Variants in BNC2 observed in about 807,000 individuals in gnomAD.
The protein encoded by BNC2 is basonuclin zinc finger protein 2.
BNC2 carries 20 observed loss-of-function variants against 76.3 expected under a neutral mutation model. The observed-to-expected ratio is 0.26, with a 90% confidence interval of 0.18 to 0.38. The LOEUF (loss-of-function observed/expected upper bound fraction) is 0.38, where lower values mean the gene tolerates loss of function less well. BNC2 is among the 10% of genes least tolerant of loss of function. BNC2 has a pLI of 1.00. For missense variants in BNC2, 1,382 were observed against 1,399.8 expected, an observed-to-expected ratio of 0.99 and a Z score of 0.20; for synonymous variants, 582 against 514.8, an observed-to-expected ratio of 1.13 and a Z score of -1.77.
At chr9:16,812,547 G>C (rs1290128656) in intron 1 of BNC2, among the ~76,000 whole-genome samples, 1 of 152,178 alleles carries the variant, frequency 6.6e-6, no homozygotes, top group African/African-American at 2.4e-5. Flanking sequence ...AGATGCAATT[G>C]AGGCTTTTGT....
chr9:16,526,771 A>C (rs1447617808), intron 5 of BNC2, among the ~76,000 whole-genome samples: 2 of 152,192 alleles, frequency 1.3e-5, no homozygotes, highest in Non-Finnish European at 2.9e-5. Context: ...CTCTTCACAT[A>C]AATTTATTGA....
intron 4 of BNC2, among the ~76,000 whole-genome samples, chr9:16,561,881 G>A (rs1819027418): frequency 6.6e-6 from 1 of 152,070 alleles, no homozygotes; most frequent in Non-Finnish European, 1.5e-5. Flanking sequence ...GCACGTGCCT[G>A]TAGTCCCAGC....
chr9:16,548,668 G>C (rs1195522464), intron 5 of BNC2, among the ~76,000 whole-genome samples: 1 of 152,192 alleles, frequency 6.6e-6, no homozygotes, highest in East Asian at 1.9e-4. Flanking sequence ...GCCTCCGAAA[G>C]TGCTGGGATT....
rs530293506 is a variant in BNC2 at position 16,845,699 on chromosome 9, C to T, written c.3+24947G>A. Among the ~76,000 whole-genome samples the T allele has an allele frequency of 8.6e-5, 13 of 151,388 alleles. No homozygotes were observed. In the South Asian group the frequency reaches 2.5e-3, roughly 29 times the overall value. On this transcript the variant is annotated intron_variant, in intron 1 of 6. Coordinates refer to ENST00000380672, the MANE Select transcript of BNC2 (RefSeq NM_017637.6). ...TCGCACCTCTGCACTCCAGCCTGGGCGACAAAGCAAGACTCCGTCTCAAAA... is the reference window on the plus strand; with the variant it reads ...TCGCACCTCTGCACTCCAGCCTGGGTGACAAAGCAAGACTCCGTCTCAAAA...
At chr9:16,561,662 G>A (rs1396809719) in intron 4 of BNC2, among the ~76,000 whole-genome samples, 1 of 152,108 alleles carries the variant, frequency 6.6e-6, no homozygotes, top group Non-Finnish European at 1.5e-5. Flanking sequence ...CTAGCCCAGG[G>A]TGTAAAACTC....
chr9:16,740,820 G>C (rs545152663), intron 1 of BNC2, among the ~76,000 whole-genome samples: 17 of 152,026 alleles, frequency 1.1e-4, no homozygotes, highest in South Asian at 6.2e-4. Flanking sequence ...ATGATCAAGA[G>C]CACAAATGAA....
chr9:16,430,050 A>G (rs1212598047), intron 6 of BNC2: 4 of 478,902 alleles, frequency 8.4e-6, no homozygotes, highest in African/African-American at 2.0e-5. Context: ...TCTTACTACC[A>G]AAGTTTTGCT....
At position 16,807,142 on chromosome 9, in the gene BNC2, G is replaced by C. The variant is rs375878243; in HGVS notation, c.3+63504C>G. On this transcript the variant is annotated intron_variant, in intron 1 of 6. Transcript: ENST00000380672. The stretch of plus-strand genomic sequence containing the variant: ...CTCTTTCCTATGCAAGTGTTTTTAA[G>C]TTTTAGTATCCTTCTTGTTTGAAAC... 1.5e-4 allele frequency among the ~76,000 whole-genome samples: 23 copies of C among 152,202 alleles called. 1 individual carries two copies. In the East Asian group the frequency reaches 3.7e-3, roughly 24 times the overall value.
At chr9:16,655,954 C>T (rs1213818180) in intron 3 of BNC2, among the ~76,000 whole-genome samples, 1 of 152,120 alleles carries the variant, frequency 6.6e-6, no homozygotes, top group Non-Finnish European at 1.5e-5. Flanking sequence ...TGGACATATT[C>T]GCCACGCATT....
intron 3 of BNC2, among the ~76,000 whole-genome samples, chr9:16,586,681 T>C (rs1819780898): frequency 6.6e-6 from 1 of 152,188 alleles, no homozygotes; most frequent in Non-Finnish European, 1.5e-5. Context: ...ATTTGGCAAC[T>C]TCACGCCCTC....
At chr9:16,829,632 C>G (rs559764391) in intron 1 of BNC2, among the ~76,000 whole-genome samples, 2 of 152,138 alleles carry the variant, frequency 1.3e-5, no homozygotes, top group African/African-American at 4.8e-5. Context: ...TAGATCTATG[C>G]CCAGTGCTAA....
intron 3 of BNC2, among the ~76,000 whole-genome samples, chr9:16,605,120 T>C (rs756806547): frequency 2.6e-5 from 4 of 152,222 alleles, no homozygotes; most frequent in Non-Finnish European, 5.9e-5. Context: ...TTGTAACTAC[T>C]TTCTGTAAAA....
chr9:16,671,702 T>C (rs1203051573), intron 3 of BNC2, among the ~76,000 whole-genome samples: 1 of 152,162 alleles, frequency 6.6e-6, no homozygotes, highest in African/African-American at 2.4e-5. Flanking sequence ...AGGAGAGCAG[T>C]TGGCCCACCG....
chr9:16,803,302 T>C (rs1429282532), intron 1 of BNC2, among the ~76,000 whole-genome samples: 2 of 152,148 alleles, frequency 1.3e-5, no homozygotes, highest in Non-Finnish European at 2.9e-5. Context: ...CTGCTGGAAA[T>C]GTTTTAGCCC....
chr9:16,482,344 C>G (rs1041346495), intron 5 of BNC2, among the ~76,000 whole-genome samples: 26 of 151,978 alleles, frequency 1.7e-4, no homozygotes, highest in African/African-American at 6.3e-4. Flanking sequence ...AAATTGGTAT[C>G]AGTGCAAGGT....
intron 1 of BNC2, among the ~76,000 whole-genome samples, chr9:16,815,793 G>C (rs996318252): frequency 6.6e-6 from 1 of 152,170 alleles, no homozygotes; most frequent in South Asian, 2.1e-4. Flanking sequence ...TAAATAGTTA[G>C]TGGTTAGCAA....
chr9:16,481,391 T>A (rs1273097529), intron 5 of BNC2, among the ~76,000 whole-genome samples: 1 of 152,074 alleles, frequency 6.6e-6, no homozygotes, highest in African/African-American at 2.4e-5. Flanking sequence ...GCTCACTCTT[T>A]GGGTCCACAC....
At position 16,647,404 on chromosome 9, in the gene BNC2, C is replaced by T. The variant is rs544199893; in HGVS notation, c.331-64319G>A. ...GGGAGACCACAGGAAGAATAACATCCTTAGACAGACTTTGACAGAGGCCGA... is the reference window on the plus strand; with the variant it reads ...GGGAGACCACAGGAAGAATAACATCTTTAGACAGACTTTGACAGAGGCCGA... On this transcript the variant is annotated intron_variant, in intron 3 of 6. Transcript: ENST00000380672. 5.3e-5 allele frequency among the ~76,000 whole-genome samples: 8 copies of T among 152,240 alleles called. No homozygotes were observed. The East Asian group carries it at 1.3e-3, about 26-fold the overall frequency.
chr9:16,462,840 A>C (rs1255825988), intron 5 of BNC2, among the ~76,000 whole-genome samples: 2 of 152,042 alleles, frequency 1.3e-5, no homozygotes, highest in Non-Finnish European at 2.9e-5. Context: ...CTAGTTATTT[A>C]ATATTATGTC....
Sources: allele counts gnomAD v4.1 joint callset (sites outside exome capture counted in the v4.1 genomes callset), GRCh38; gene constraint gnomAD v4.1.1; transcripts MANE v1.5; gene names NCBI Gene and HGNC (gene_info 2026-07-23, HGNC 2026-07-21).